HFM1: variants seen among roughly 807,000 people sequenced by gnomAD.
HFM1 encodes the protein helicase for meiosis 1, also known as probable ATP-dependent DNA helicase HFM1.
In HFM1, 169 loss-of-function variants were observed where a neutral mutation model predicts 192.1. The observed-to-expected ratio is 0.88, with a 90% CI of 0.78 to 1.00. HFM1 has a LOEUF of 1.00. HFM1 is among the 50% of genes least tolerant of loss of function. The probability of loss-of-function intolerance (pLI) is 0.00; values close to 1 mark genes in which losing one functional copy is unlikely to be tolerated. For missense variants in HFM1, 1,661 were observed against 1,668.0 expected, an observed-to-expected ratio of 1.00 and a Z score of 0.07; for synonymous variants, 525 against 537.8, an observed-to-expected ratio of 0.98 and a Z score of 0.33.
intron 11 of HFM1, chr1:91,377,823 C>A: frequency 1.8e-6 from 1 of 560,746 alleles, no homozygotes. Context: ...CACATGTCCA[C>A]AAAAAATGTT....
chr1:91,349,071 T>C (rs1168949122), intron 18 of HFM1, among the ~76,000 whole-genome samples: 1 of 152,110 alleles, frequency 6.6e-6, no homozygotes, highest in African/African-American at 2.4e-5. Flanking sequence ...GTGGATCACC[T>C]GAGATCAGGA....
At chr1:91,284,390 T>C (rs1426094024) in intron 30 of HFM1, among the ~76,000 whole-genome samples, 5 of 152,076 alleles carry the variant, frequency 3.3e-5, no homozygotes, top group African/African-American at 1.2e-4. Context: ...TACATGGGAT[T>C]ACAGGTGCCT....
intron 6 of HFM1, among the ~76,000 whole-genome samples, chr1:91,384,866 CCT>C (rs1313642273): frequency 6.6e-6 from 1 of 152,008 alleles, no homozygotes; most frequent in Non-Finnish European, 1.5e-5. Context: ...CCCTCAGCCC[CCT>C]GAGTAGCTGG....
At chr1:91,298,931 C>T (rs10157861) in intron 30 of HFM1, among the ~76,000 whole-genome samples, 14,636 of 152,176 alleles carry the variant, frequency 0.096, 745 homozygotes, top group East Asian at 0.16. Flanking sequence ...CAAATTCACA[C>T]ATAACAATAT....
intron 30 of HFM1, among the ~76,000 whole-genome samples, chr1:91,285,005 G>A (rs953771848): frequency 1.3e-5 from 2 of 152,158 alleles, no homozygotes; most frequent in African/African-American, 4.8e-5. Flanking sequence ...TACTGTTCTT[G>A]TGGTAGTGAA....
At chr1:91,289,721 C>G (rs979574718) in intron 30 of HFM1, among the ~76,000 whole-genome samples, 1 of 152,074 alleles carries the variant, frequency 6.6e-6, no homozygotes, top group African/African-American at 2.4e-5. Flanking sequence ...ACCAGTCAGG[C>G]GTGGCGGCGC....
rs976312338 is a variant in HFM1, at chr1:91,351,513, G to C, written c.2072+36C>G. 4 of 1,019,318 alleles carry C rather than the reference G, an allele frequency of 3.9e-6. No individual in the cohort carries two copies. In the African/African-American group the frequency reaches 6.6e-5, roughly 17 times the overall value. 63.1% of individuals were successfully genotyped at this position (1,019,318 alleles called of 1,614,324 possible). ...AAAGGAAATAAAATAAGCTATATTA[G>C]CATTAGTATCTTTTTGGAACTTTTT... On this transcript the variant is annotated intron_variant, in intron 17 of 38. Transcript: ENST00000370425.
At chr1:91,369,360 C>T (rs1328218951) in intron 13 of HFM1, among the ~76,000 whole-genome samples, 3 of 152,130 alleles carry the variant, frequency 2.0e-5, no homozygotes. Context: ...TAAAGCACTC[C>T]TCAGCAAATG....
At chr1:91,356,514 T>C (rs1386596651) in intron 13 of HFM1, among the ~76,000 whole-genome samples, 4 of 151,710 alleles carry the variant, frequency 2.6e-5, no homozygotes, top group Non-Finnish European at 5.9e-5. Flanking sequence ...AAAAAGAAGA[T>C]ACTAAATAGA....
rs373220467 is a variant in HFM1, at chr1:91,353,207, C to T, written c.1729+49G>A. The T allele has an allele frequency of 3.9e-6, 6 of 1,555,926 alleles. No homozygotes were observed. The African/African-American group carries it at 6.8e-5, about 18-fold the overall frequency. ...TTAATATTTCATCAATAATTGGCAC[C>T]TTTCATCTATATGTGAAAATGCTAT... On this transcript the variant is annotated intron_variant, in intron 14 of 38. Transcript: ENST00000370425.
At chr1:91,351,714 A>AGAG in intron 16 of HFM1, 71 bp from the exon 17 acceptor site, 4 of 718,156 alleles carry the variant, frequency 5.6e-6, no homozygotes, top group Non-Finnish European at 7.1e-6. Flanking sequence ...CAATAACTGA[A>AGAG]GACTTCCATT....
chr1:91,385,884 T>G, intron 4 of HFM1, 50 bp from the exon 5 acceptor site: 3 of 1,488,360 alleles, frequency 2.0e-6, no homozygotes, highest in Non-Finnish European at 1.8e-6. Flanking sequence ...AACACTTGCT[T>G]GGAATATGAA....
At chr1:91,334,386 C>A (rs1453585080) in intron 20 of HFM1, among the ~76,000 whole-genome samples, 1 of 151,996 alleles carries the variant, frequency 6.6e-6, no homozygotes, top group Non-Finnish European at 1.5e-5. Context: ...AATGTGTTAC[C>A]TATTTTTATT....
intron 23 of HFM1, among the ~76,000 whole-genome samples, chr1:91,321,925 G>A (rs538995000): frequency 2.0e-4 from 31 of 152,274 alleles, no homozygotes; most frequent in African/African-American, 7.2e-4. Flanking sequence ...AATAATTTAT[G>A]CAACACAGTA....
In HFM1 at chr1:91,350,775, C is replaced by A. The variant is rs1207691489; in HGVS notation, c.2169G>T (p.Leu723=). The A allele has an allele frequency of 4.3e-6, 7 of 1,611,408 alleles. No homozygotes were observed. Among genetic ancestry groups the A allele is most frequent in the Non-Finnish European group, 5.9e-6 (7 of 1,178,660 alleles). Residue 723 remains leucine (L), a synonymous_variant, in exon 18 of 39, where the codon CTG becomes CTT. Coordinates refer to ENST00000370425, the MANE Select transcript of HFM1 (RefSeq NM_001017975.6). ...NIAVEWIRST[L]LYIRALKNPS... ...GATTTTTCAAGGCTCTGATATAAAG[C>A]AGAGTTGATCGTATCCATTCCACAG...
rs1372614580 is a variant in HFM1, at chr1:91,296,017, C to T, written c.3391+17332G>A. ...AATCTCGGCTCACTGCAAGCTCTGC[C>T]TCCCAGGTTCATGCCATTCACCTCC... On this transcript the variant is annotated intron_variant, in intron 30 of 38. Coordinates refer to ENST00000370425, the MANE Select transcript of HFM1 (RefSeq NM_001017975.6). Among the ~76,000 whole-genome samples, 4 of 152,142 alleles carry T rather than the reference C, an allele frequency of 2.6e-5. 1 individual carries two copies. Among genetic ancestry groups the T allele is most frequent in the Admixed American group, 1.3e-4 (2 of 15,276 alleles).
chr1:91,330,327 A>G (rs1195784637), intron 20 of HFM1, among the ~76,000 whole-genome samples: 1 of 152,200 alleles, frequency 6.6e-6, no homozygotes, highest in Non-Finnish European at 1.5e-5. Context: ...AGGCATTACA[A>G]CTGATACCAT....
At chr1:91,364,632 A>ATATATATATATATTTT (rs753472335) in intron 13 of HFM1, among the ~76,000 whole-genome samples, 4 of 66,786 alleles carry the variant, frequency 6.0e-5, no homozygotes, top group Non-Finnish European at 7.6e-5. Flanking sequence ...ATATATATAT[A>ATATATATATATATTTT]TTTTTTTTTT....
intron 2 of HFM1, among the ~76,000 whole-genome samples, chr1:91,400,174 A>C (rs1263513279): frequency 6.6e-5 from 10 of 152,362 alleles, no homozygotes; most frequent in Non-Finnish European, 1.3e-4. Context: ...TACACTAAAA[A>C]TACACAGAAA....
Sources: allele counts gnomAD v4.1 joint callset (sites outside exome capture counted in the v4.1 genomes callset), GRCh38; gene constraint gnomAD v4.1.1; transcripts MANE v1.5; gene names NCBI Gene and HGNC (gene_info 2026-07-23, HGNC 2026-07-21).